Variants in KCNJ6 observed in about 807,000 individuals in gnomAD.
KCNJ6 encodes the protein potassium inwardly rectifying channel subfamily J member 6.
A neutral mutation model predicts 34.2 loss-of-function variants in KCNJ6; 9 were observed. That is an observed-to-expected ratio of 0.26 (90% CI 0.16 to 0.46). KCNJ6 has a LOEUF of 0.46. KCNJ6 is among the 20% of genes least tolerant of loss of function. The pLI is 1.00. For missense variants in KCNJ6, 236 were observed against 531.3 expected, an observed-to-expected ratio of 0.44 and a Z score of 5.46; for synonymous variants, 196 against 207.1, an observed-to-expected ratio of 0.95 and a Z score of 0.46.
intron 2 of KCNJ6, among the ~76,000 whole-genome samples, chr21:37,743,520 G>A (rs73206031): frequency 0.03 from 4,494 of 152,162 alleles, 100 homozygotes; most frequent in Non-Finnish European, 0.042. Context: ...CCCCCCTCAC[G>A]GATGGATTAA....
chr21:37,808,757 G>T (rs1349324413), intron 2 of KCNJ6, among the ~76,000 whole-genome samples: 4 of 152,210 alleles, frequency 2.6e-5, no homozygotes, highest in Non-Finnish European at 5.9e-5. Flanking sequence ...ATACAAAGGG[G>T]CATTGGCTCT....
intron 3 of KCNJ6, among the ~76,000 whole-genome samples, chr21:37,683,772 G>A (rs1485783893): frequency 6.6e-6 from 1 of 152,158 alleles, no homozygotes; most frequent in Non-Finnish European, 1.5e-5. Context: ...TCTGGACCTG[G>A]GGCCAGGCTT....
chr21:37,904,949 C>A (rs2055834266), intron 1 of KCNJ6, among the ~76,000 whole-genome samples: 1 of 152,224 alleles, frequency 6.6e-6, no homozygotes, highest in Non-Finnish European at 1.5e-5. Flanking sequence ...GACACCACAG[C>A]CCCTATCTGG....
At chr21:37,646,710 G>A (rs1228043717) in intron 3 of KCNJ6, among the ~76,000 whole-genome samples, 1 of 149,042 alleles carries the variant, frequency 6.7e-6, no homozygotes, top group Non-Finnish European at 1.5e-5. Context: ...TGGCTCTGTC[G>A]CCCAGGCTGG....
chr21:37,690,870 C>T (rs911090660), intron 3 of KCNJ6, among the ~76,000 whole-genome samples: 12 of 151,190 alleles, frequency 7.9e-5, no homozygotes, highest in Non-Finnish European at 1.3e-4. Flanking sequence ...ACCTCTGCTT[C>T]CTACCGGGAT....
At chr21:37,709,596 C>A (rs1231270196) in intron 3 of KCNJ6, among the ~76,000 whole-genome samples, 4 of 152,170 alleles carry the variant, frequency 2.6e-5, no homozygotes, top group African/African-American at 9.7e-5. Context: ...GAATCAGCAG[C>A]ACTCATGGTG....
chr21:37,895,452 G>A (rs943056886), intron 1 of KCNJ6, among the ~76,000 whole-genome samples: 3 of 152,150 alleles, frequency 2.0e-5, no homozygotes, highest in South Asian at 2.1e-4. Context: ...GGCTGAAGAT[G>A]ACATCCTTGC....
intron 1 of KCNJ6, among the ~76,000 whole-genome samples, chr21:37,877,458 C>T (rs546077509): frequency 6.6e-6 from 1 of 152,258 alleles, no homozygotes; most frequent in South Asian, 2.1e-4. Flanking sequence ...ATGCTTCTTC[C>T]CTCAAACAGA....
intron 2 of KCNJ6, among the ~76,000 whole-genome samples, chr21:37,765,537 G>A (rs911958202): frequency 1.2e-4 from 18 of 152,182 alleles, no homozygotes; most frequent in African/African-American, 4.1e-4. Context: ...CCCAGCCCCA[G>A]ACACGGAATT....
chr21:37,707,286 C>T (rs1010474835), intron 3 of KCNJ6, among the ~76,000 whole-genome samples: 19 of 152,208 alleles, frequency 1.2e-4, no homozygotes, highest in African/African-American at 2.4e-4. Context: ...TGAAGATGCT[C>T]GCTGGGACTG....
At position 37,624,910 on chromosome 21, in the gene KCNJ6, G is replaced by A. The variant is rs1192460518; in HGVS notation, c.*249C>T. 1.9e-6 allele frequency: 1 copy of A among 527,158 alleles called. No homozygotes were observed. The highest frequency in any genetic ancestry group is 1.9e-5 in the African/African-American group (1 of 52,664). The allele number at this position is 527,158 out of a possible 1,614,324, so 32.7% of individuals were successfully genotyped here. On this transcript the variant is annotated 3_prime_UTR_variant, in exon 4 of 4. Coordinates refer to ENST00000609713, the MANE Select transcript of KCNJ6 (RefSeq NM_002240.5). The stretch of plus-strand genomic sequence containing the variant: ...GAGTTGGATGTGTAGTATTTTGGGA[G>A]GAGACCAGGCTTGGGCCACAAATGA...
Position 37,797,708 on chromosome 21 carries a change from T to G in KCNJ6, c.25+42950A>C, listed in dbSNP as rs528547066. Reference sequence around the variant, plus strand: ...CGGGGTTGCCTGTGTTTTCCAGTCCTAAGGGAAGGTCAGCAGATAAGTGGG... The same window carrying G: ...CGGGGTTGCCTGTGTTTTCCAGTCCGAAGGGAAGGTCAGCAGATAAGTGGG... On this transcript the variant is annotated intron_variant, in intron 2 of 3. Transcript: ENST00000609713. Among the ~76,000 whole-genome samples the G allele has an allele frequency of 1.2e-4, 18 of 152,248 alleles. No individual in the cohort carries two copies. In the South Asian group the frequency reaches 3.7e-3, roughly 32 times the overall value.
At chr21:37,680,153 T>A (rs2054584340) in intron 3 of KCNJ6, among the ~76,000 whole-genome samples, 3 of 135,258 alleles carry the variant, frequency 2.2e-5, no homozygotes, top group Non-Finnish European at 3.1e-5. Context: ...GGAGTATATA[T>A]GAACAACAGC....
intron 1 of KCNJ6, among the ~76,000 whole-genome samples, chr21:37,866,606 C>G (rs766082439): frequency 6.9e-6 from 1 of 145,300 alleles, no homozygotes; most frequent in Non-Finnish European, 1.5e-5. Context: ...TCCCTGCCTA[C>G]TGGCAACTGG....
intron 3 of KCNJ6, among the ~76,000 whole-genome samples, chr21:37,653,121 G>T (rs920290899): frequency 2.6e-5 from 4 of 152,136 alleles, no homozygotes; most frequent in Admixed American, 6.5e-5. Context: ...TCAATATTTG[G>T]CTACTTCTAG....
At chr21:37,655,646 A>G (rs1411561468) in intron 3 of KCNJ6, among the ~76,000 whole-genome samples, 1 of 152,158 alleles carries the variant, frequency 6.6e-6, no homozygotes, top group East Asian at 1.9e-4. Context: ...ATCTTCAGTT[A>G]TGTTTCAGTT....
intron 3 of KCNJ6, among the ~76,000 whole-genome samples, chr21:37,661,552 ATAT>A (rs1400118390): frequency 6.6e-6 from 1 of 151,254 alleles, no homozygotes; most frequent in Non-Finnish European, 1.5e-5. Context: ...CCAGTAAGTC[ATAT>A]TAATCTATAG....
At chr21:37,867,610 A>G (rs1312333694) in intron 1 of KCNJ6, among the ~76,000 whole-genome samples, 1 of 152,188 alleles carries the variant, frequency 6.6e-6, no homozygotes, top group African/African-American at 2.4e-5. Flanking sequence ...AACAATTGAA[A>G]TGGGCCAAAC....
rs2054277739 is a variant in KCNJ6 at position 37,617,726 on chromosome 21, A to G, written c.*7433T>C. On this transcript the variant is annotated 3_prime_UTR_variant, in exon 4 of 4. Coordinates refer to ENST00000609713, the MANE Select transcript of KCNJ6 (RefSeq NM_002240.5). ...AGAAAAGAGAATTAGATATGTCATG[A>G]AAAAGAAAAGCACTGAGATCATCAC... 6.6e-6 allele frequency: 1 copy of G among 152,224 alleles called. No homozygotes were observed. Among genetic ancestry groups the G allele is most frequent in the Non-Finnish European group, 1.5e-5 (1 of 68,040 alleles). The allele number at this position is 152,224 out of a possible 1,614,324, so 9.4% of individuals were successfully genotyped here. A position where few individuals can be genotyped will look rare whatever the true frequency, so the allele number is the denominator to read the frequency against.
Sources: allele counts gnomAD v4.1 joint callset (sites outside exome capture counted in the v4.1 genomes callset), GRCh38; gene constraint gnomAD v4.1.1; transcripts MANE v1.5; gene names NCBI Gene and HGNC (gene_info 2026-07-23, HGNC 2026-07-21).